Variants in ELL observed in about 807,000 individuals in gnomAD.
ELL encodes elongation factor for RNA polymerase II.
In ELL, 18 loss-of-function variants were observed where a neutral mutation model predicts 64.0. The ratio of observed to expected loss-of-function variants is 0.28; its 90% CI spans 0.19 to 0.42. The LOEUF (loss-of-function observed/expected upper bound fraction) is 0.42, where lower values mean the gene tolerates loss of function less well. ELL is among the 10% of genes least tolerant of loss of function. ELL has a pLI of 1.00. For synonymous variants in ELL, 399 were observed against 376.2 expected, an observed-to-expected ratio of 1.06 and a Z score of -0.70; for missense variants, 797 against 870.4, an observed-to-expected ratio of 0.92 and a Z score of 1.06.
At position 18,451,571 on chromosome 19, in the gene ELL, C is replaced by T. The variant is rs772723269; in HGVS notation, c.947G>A (p.Arg316His). 3 of 1,488,682 alleles carry T rather than the reference C, an allele frequency of 2.0e-6. No homozygotes were observed. The highest frequency in any genetic ancestry group is 2.7e-5 in the East Asian group (1 of 37,322). The allele number at this position is 1,488,682 out of a possible 1,614,324, so 92.2% of individuals were successfully genotyped here. The stretch of plus-strand genomic sequence containing the variant: ...ACTTACCTGTGGGGGCGAGGCCGAG[C>T]GCCCACGCTCGCCTGGGGGGCTGGA... ...AASSPPGERG[R>H]SASPPQKRLQ... Residue 316 changes from arginine to histidine, a missense_variant, in exon 7 of 12, where the codon CGC (arginine) becomes CAC (histidine). Physicochemically the swap from Arg to His is conservative, Grantham distance 29. Coordinates refer to ENST00000262809, the MANE Select transcript of ELL (RefSeq NM_006532.4).
At chr19:18,496,691 C>T (rs1250876070) in intron 1 of ELL, among the ~76,000 whole-genome samples, 3 of 152,264 alleles carry the variant, frequency 2.0e-5, no homozygotes, top group African/African-American at 7.2e-5. Flanking sequence ...CTGCTGCTGT[C>T]CACTCAGGTG....
At chr19:18,458,357 G>T in intron 5 of ELL, 28 bp from the exon 6 acceptor site, 1 of 1,600,546 alleles carries the variant, frequency 6.2e-7, no homozygotes. Flanking sequence ...CCATCACTTT[G>T]TGGGAATCCT....
At chr19:18,512,317 G>C (rs1325857946) in intron 1 of ELL, among the ~76,000 whole-genome samples, 1 of 151,154 alleles carries the variant, frequency 6.6e-6, no homozygotes, top group Non-Finnish European at 1.5e-5. Context: ...AGAGCAGAAA[G>C]CTCCGTCTCA....
At chr19:18,472,381 C>G (rs1975081018) in intron 2 of ELL, 1 of 161,784 alleles carries the variant, frequency 6.2e-6, no homozygotes, top group African/African-American at 2.4e-5. Flanking sequence ...GAGCACGCAA[C>G]CTAGATCCCT....
intron 1 of ELL, among the ~76,000 whole-genome samples, chr19:18,487,087 G>A (rs903106819): frequency 6.6e-6 from 1 of 152,196 alleles, no homozygotes; most frequent in Non-Finnish European, 1.5e-5. Context: ...AGAAGGCCCT[G>A]TGCGTGTAGA....
At chr19:18,475,088 C>T (rs1600464115) in intron 1 of ELL, among the ~76,000 whole-genome samples, 1 of 152,156 alleles carries the variant, frequency 6.6e-6, no homozygotes, top group Non-Finnish European at 1.5e-5. Flanking sequence ...TGCACCACTG[C>T]ACTCCAGCCT....
In ELL at chr19:18,442,875, GAAAAA is replaced by G. The variant is rs11319408; in HGVS notation, c.*1872_*1876del. 9.1e-6 allele frequency: 2 copies of G among 220,794 alleles called. No homozygotes were observed. The highest frequency in any genetic ancestry group is 1.2e-4 in the Admixed American group (2 of 17,290). 13.7% of individuals were successfully genotyped at this position (220,794 alleles called of 1,614,324 possible). A position where few individuals can be genotyped will look rare whatever the true frequency, so the allele number is the denominator to read the frequency against. On this transcript the variant is annotated 3_prime_UTR_variant, in exon 12 of 12. Coordinates refer to ENST00000262809, the MANE Select transcript of ELL (RefSeq NM_006532.4). ...TTTTCTCCACAGTACAACATTAAAA[GAAAAA>G]AAAATAGTATCAATAAGTTAGACCA...
intron 1 of ELL, among the ~76,000 whole-genome samples, chr19:18,494,801 T>C (rs1309103186): frequency 1.3e-5 from 2 of 152,182 alleles, no homozygotes; most frequent in African/African-American, 2.4e-5. Flanking sequence ...GTGGGGCATC[T>C]TCCTGTCTCT....
At chr19:18,490,186 G>A (rs1437216851) in intron 1 of ELL, among the ~76,000 whole-genome samples, 1 of 152,148 alleles carries the variant, frequency 6.6e-6, no homozygotes, top group Middle Eastern at 3.2e-3. Flanking sequence ...ATTCTGTGAC[G>A]TTTCTGCCAC....
intron 1 of ELL, among the ~76,000 whole-genome samples, chr19:18,486,275 A>C (rs753850629): frequency 3.3e-5 from 5 of 152,176 alleles, no homozygotes; most frequent in Non-Finnish European, 7.4e-5. Flanking sequence ...CTGGCTCAAC[A>C]GGGGCAGGAA....
intron 5 of ELL, 75 bp downstream of exon 5, chr19:18,461,503 C>G: frequency 1.3e-6 from 2 of 1,536,008 alleles, no homozygotes; most frequent in Non-Finnish European, 1.7e-6. Flanking sequence ...AGTCTCCATG[C>G]TCTGGCCCAT....
At chr19:18,457,222 G>A (rs1410260723) in intron 6 of ELL, among the ~76,000 whole-genome samples, 1 of 152,180 alleles carries the variant, frequency 6.6e-6, no homozygotes, top group African/African-American at 2.4e-5. Context: ...GAAGCTCCCC[G>A]ACGCCCCAGA....
chr19:18,520,005 G>A (rs1282279450), intron 1 of ELL, among the ~76,000 whole-genome samples: 1 of 152,074 alleles, frequency 6.6e-6, no homozygotes, highest in African/African-American at 2.4e-5. Context: ...ACACAGCTGG[G>A]CTCCGAGCCA....
At chr19:18,500,584 A>G (rs1975760399) in intron 1 of ELL, among the ~76,000 whole-genome samples, 2 of 152,252 alleles carry the variant, frequency 1.3e-5, no homozygotes, top group Admixed American at 1.3e-4. Flanking sequence ...TCAAGGAAGC[A>G]GCTGTGTGTT....
intron 1 of ELL, among the ~76,000 whole-genome samples, chr19:18,485,509 A>G (rs559205911): frequency 1.3e-5 from 2 of 152,188 alleles, no homozygotes; most frequent in East Asian, 3.9e-4. Context: ...CCACTATGGG[A>G]GCCCATCTCC....
intron 1 of ELL, among the ~76,000 whole-genome samples, chr19:18,481,712 T>C (rs947452311): frequency 3.9e-5 from 6 of 152,232 alleles, no homozygotes; most frequent in Admixed American, 2.6e-4. Flanking sequence ...ATCCTGTGTG[T>C]TGCCCCGCAG....
Position 18,508,120 on chromosome 19 carries a change from G to C in ELL, c.135+13801C>G, listed in dbSNP as rs571595435. 6.6e-5 allele frequency among the ~76,000 whole-genome samples: 10 copies of C among 152,272 alleles called. No individual in the cohort carries two copies. In the South Asian group the frequency reaches 2.1e-3, roughly 32 times the overall value. On this transcript the variant is annotated intron_variant, in intron 1 of 11. Coordinates refer to ENST00000262809, the MANE Select transcript of ELL (RefSeq NM_006532.4). ...CCGGAAAACCCAGGGACTCCCATGC[G>C]GGCTGAGAAACATTTTGAGTTTGCA...
intron 1 of ELL, among the ~76,000 whole-genome samples, chr19:18,486,605 G>A (rs188600461): frequency 1.1e-4 from 17 of 152,292 alleles, no homozygotes; most frequent in African/African-American, 3.4e-4. Flanking sequence ...GCCCTTTCAC[G>A]GGGCCCCTGT....
In ELL at chr19:18,461,599, C is replaced by G. The variant is rs531189134; in HGVS notation, c.723G>C (p.Ala241=). The change falls in exon 5 of 12, where the codon GCG becomes GCC. Residue 241 remains alanine (A), a synonymous_variant. Coordinates refer to ENST00000262809, the MANE Select transcript of ELL (RefSeq NM_006532.4). ...KDGLTQADKD[A]LDGLLQQVAN... is the part of the protein sequence containing the mutation. ...CCACCTGCTGGAGGAGGCCATCCAG[C>G]GCGTCCTTGTCCGCCTGCGTCAGGC... The G allele has an allele frequency of 6.2e-7, 1 of 1,603,860 alleles. No homozygotes were observed. The highest frequency in any genetic ancestry group is 1.1e-5 in the South Asian group (1 of 90,940).
Sources: gnomAD v4.1 joint callset for allele counts (sites outside exome capture counted in the v4.1 genomes callset) on GRCh38, gnomAD v4.1.1 for gene constraint, MANE v1.5 for transcripts, NCBI Gene and HGNC (gene_info 2026-07-23, HGNC 2026-07-21) for gene names.